Variants in MKI67 observed in about 807,000 individuals in gnomAD.
The protein encoded by MKI67 is proliferation marker protein Ki-67.
In MKI67, 152 loss-of-function variants were observed where a neutral mutation model predicts 233.5. The ratio of observed to expected loss-of-function variants is 0.65; its 90% CI spans 0.57 to 0.74. The LOEUF (loss-of-function observed/expected upper bound fraction) is 0.74. Ranked by LOEUF, MKI67 falls within the 30% of genes least tolerant of loss-of-function variation. The pLI is 0.00. For synonymous variants in MKI67, 1,465 were observed against 1,418.5 expected, an observed-to-expected ratio of 1.03 and a Z score of -0.74; for missense variants, 3,940 against 3,885.2, an observed-to-expected ratio of 1.01 and a Z score of -0.37.
intron 5 of MKI67, among the ~76,000 whole-genome samples, chr10:128,117,501 G>C (rs1313815845): frequency 1.3e-5 from 2 of 152,220 alleles, no homozygotes; most frequent in Non-Finnish European, 2.9e-5. Flanking sequence ...CGGAAGGGTG[G>C]AAGAACTAAA....
chr10:128,118,475 C>T (rs1433581211), intron 5 of MKI67, among the ~76,000 whole-genome samples: 1 of 150,200 alleles, frequency 6.7e-6, no homozygotes, highest in African/African-American at 2.4e-5. Context: ...CCTAAGATAA[C>T]TCTCCTAAGC....
rs550904337 is a variant in MKI67, at chr10:128,097,843, G to A, written c.*1347C>T. On this transcript the variant is annotated 3_prime_UTR_variant, in exon 15 of 15. Coordinates refer to ENST00000368654, the MANE Select transcript of MKI67 (RefSeq NM_002417.5). ...CTCCCTTACGATCATGGATGACGCT[G>A]TGAGAACCCTATCATGGCAGCCAAT... is the stretch of plus-strand genomic sequence containing the variant. 2 of 152,274 alleles carry A rather than the reference G, an allele frequency of 1.3e-5. No homozygotes were observed. The highest frequency in any genetic ancestry group is 4.1e-4 in the South Asian group (2 of 4,830). 9.4% of individuals were successfully genotyped at this position (152,274 alleles called of 1,614,324 possible). A position where few individuals can be genotyped will look rare whatever the true frequency, so the allele number is the denominator to read the frequency against.
In MKI67 at chr10:128,115,613, T is replaced by A. The variant is rs138128732; in HGVS notation, c.795A>T (p.Gly265=). 3.1e-6 allele frequency: 5 copies of A among 1,614,064 alleles called. No homozygotes were observed. The African/African-American group carries it at 6.7e-5, about 22-fold the overall frequency. The change falls in exon 7 of 15, where the codon GGA becomes GGT. Residue 265 remains glycine (G), a synonymous_variant. Transcript: ENST00000368654. ...ENVLQYCRKS[G]LQTDYATEKE... ...TCTCTGTTGCGTAATCAGTTTGTAA[T>A]CCAGATTTTCTACAATACTGTAGGA...
At chr10:128,114,844 C>T (rs1852762722) in intron 7 of MKI67, 84 bp downstream of exon 7, 2 of 1,302,034 alleles carry the variant, frequency 1.5e-6, no homozygotes, top group Non-Finnish European at 2.1e-6. Context: ...CAAAGCTAAT[C>T]ACTACTGAAA....
chr10:128,110,438 T>C lies in MKI67; in HGVS notation c.2356A>G (p.Lys786Glu). 6.3e-7 allele frequency: 1 copy of C among 1,589,854 alleles called. No homozygotes were observed. The highest frequency in any genetic ancestry group is 1.1e-5 in the South Asian group (1 of 89,200). ...CCTGAATCAGTTCCTTGAAACTGTT[T>C]TCCAAGCAAATTCTCTGAATTTGAA... ...AISNSENLLG[K>E]QFQGTDSGEE... The change falls in exon 12 of 15, where the codon AAA (lysine) becomes GAA (glutamate). Residue 786 changes from lysine to glutamate, a missense_variant. Physicochemically the swap from Lys to Glu is moderately conservative, Grantham distance 56. Transcript: ENST00000368654.
chr10:128,124,046 A>T (rs865908245), intron 2 of MKI67, among the ~76,000 whole-genome samples: 3 of 152,366 alleles, frequency 2.0e-5, no homozygotes, highest in Middle Eastern at 3.4e-3. Flanking sequence ...CTTCCTACCC[A>T]GGTCATGTGA....
In MKI67 at chr10:128,107,888, G is replaced by A. The variant is rs1565006103; in HGVS notation, c.3952C>T (p.Gln1318Ter). Residue 1318 changes from glutamine (Q) to a stop codon, truncating the protein, a stop_gained, in exon 13 of 15, where the codon CAG (glutamine) becomes TAG (stop). Transcript: ENST00000368654. LOFTEE classifies it high-confidence loss of function. Reference sequence around the variant, plus strand: ...AAGTTCTCTGTCAGGTCCAGTTTCTGCACTGGAGTTCCCACAAATATGATG... The same window carrying A: ...AAGTTCTCTGTCAGGTCCAGTTTCTACACTGGAGTTCCCACAAATATGATG... Reference protein sequence around the residue: ...DIIIFVGTPVQKLDLTENLTG... With the variant: ...DIIIFVGTPV 1 of 1,613,566 alleles carries A rather than the reference G, an allele frequency of 6.2e-7. No homozygotes were observed.
chr10:128,118,255 G>A (rs1168904761), intron 5 of MKI67, among the ~76,000 whole-genome samples: 1 of 152,092 alleles, frequency 6.6e-6, no homozygotes, highest in Non-Finnish European at 1.5e-5. Flanking sequence ...AATTAGCCAG[G>A]CATGGTGGTG....
intron 12 of MKI67, 38 bp downstream of exon 12, chr10:128,110,340 C>A: frequency 1.3e-6 from 2 of 1,488,392 alleles, no homozygotes; most frequent in Admixed American, 3.8e-5. Context: ...ATGTTCCTAT[C>A]CCAAAACATC....
In MKI67 at chr10:128,105,694, A is replaced by G. The variant is rs1400927551; in HGVS notation, c.6146T>C (p.Met2049Thr). ...IKAFKESAKQMLDPANYGTGM... is the reference protein window; with the variant it reads ...IKAFKESAKQTLDPANYGTGM... Reference sequence around the variant, plus strand: ...AGTTCCATAGTTTGCTGGGTCCAGCATCTGCTTTGCAGATTCCTTAAACGC... The same window carrying G: ...AGTTCCATAGTTTGCTGGGTCCAGCGTCTGCTTTGCAGATTCCTTAAACGC... The change falls in exon 13 of 15, where the codon ATG (methionine) becomes ACG (threonine). Residue 2049 changes from methionine (M) to threonine (T), a missense_variant. Met to Thr is a moderately conservative substitution (Grantham distance 81). Transcript: ENST00000368654. The G allele has an allele frequency of 6.2e-7, 1 of 1,613,882 alleles. No individual in the cohort carries two copies. Among genetic ancestry groups the G allele is most frequent in the Non-Finnish European group, 8.5e-7 (1 of 1,180,000 alleles).
rs1056614937 is a variant in MKI67, at chr10:128,125,005, G to A, written c.92+571C>T. On this transcript the variant is annotated intron_variant, in intron 2 of 14. Transcript: ENST00000368654. This position sits in a 1 kb window ranked among gnomAD's most constrained non-coding sequence, Gnocchi z 5.3. ...ACACGGGAAATGACCCCCCTTCTCA[G>A]GCCTCTAGTGGGACACATGTCAGAG... 4.6e-5 allele frequency among the ~76,000 whole-genome samples: 7 copies of A among 152,158 alleles called. No homozygotes were observed. Among genetic ancestry groups the A allele is most frequent in the African/African-American group, 1.4e-4 (6 of 41,422 alleles).
intron 6 of MKI67, among the ~76,000 whole-genome samples, 189 bp downstream of exon 6, chr10:128,116,302 C>T (rs764128885): frequency 1.3e-5 from 2 of 152,220 alleles, no homozygotes; most frequent in Non-Finnish European, 2.9e-5. Context: ...CTCTCCTAAG[C>T]ATAGCATACC....
rs1275894169 is a variant in MKI67, at chr10:128,102,936, T to C, written c.8904A>G (p.Val2968=). 2 of 1,614,138 alleles carry C rather than the reference T, an allele frequency of 1.2e-6. No individual in the cohort carries two copies. The highest frequency in any genetic ancestry group is 1.7e-5 in the Admixed American group (1 of 60,014). ...ISRRVLRAPK[V]EPVGDVVSTR... Reference sequence around the variant, plus strand: ...TGCTTACCACGTCTCCCACGGGTTCTACTTTAGGGGCCCGAAGAACTCTTC... The same window carrying C: ...TGCTTACCACGTCTCCCACGGGTTCCACTTTAGGGGCCCGAAGAACTCTTC... Residue 2968 remains valine (V), a synonymous_variant, in exon 13 of 15, where the codon GTA becomes GTG. Coordinates refer to ENST00000368654, the MANE Select transcript of MKI67 (RefSeq NM_002417.5).
chr10:128,109,562 A>G, intron 12 of MKI67, 139 bp from the exon 13 acceptor site: 1 of 921,312 alleles, frequency 1.1e-6, no homozygotes, highest in East Asian at 2.6e-5. Context: ...TTATGTGTCT[A>G]TAAATCTGTC....
At chr10:128,124,547 A>G (rs183484765) in intron 2 of MKI67, among the ~76,000 whole-genome samples, 1 of 152,330 alleles carries the variant, frequency 6.6e-6, no homozygotes, top group East Asian at 1.9e-4. Context: ...GCTCCAGCCC[A>G]TGTTTCTACT....
chr10:128,110,040 G>A (rs1485220300), intron 12 of MKI67, among the ~76,000 whole-genome samples: 1 of 152,206 alleles, frequency 6.6e-6, no homozygotes, highest in African/African-American at 2.4e-5. Flanking sequence ...GTAATTGGCA[G>A]TAATTTTGAA....
rs1315033672 is a variant in MKI67, at chr10:128,102,790, G to A, written c.9050C>T (p.Ala3017Val). The change falls in exon 13 of 15, where the codon GCA (alanine) becomes GTA (valine). Residue 3017 changes from alanine (A) to valine (V), a missense_variant. Ala to Val is a moderately conservative substitution (Grantham distance 64). Coordinates refer to ENST00000368654, the MANE Select transcript of MKI67 (RefSeq NM_002417.5). ...CAGCTCCTCCACAATTTCCTCTGGTGCTGGCATGCAGCGCAGCCTCTTGGT... is the reference window on the plus strand; with the variant it reads ...CAGCTCCTCCACAATTTCCTCTGGTACTGGCATGCAGCGCAGCCTCTTGGT... Reference protein sequence around the residue: ...TGTKRLRCMPAPEEIVEELPA... With the variant: ...TGTKRLRCMPVPEEIVEELPA... 7 of 1,614,204 alleles carry A rather than the reference G, an allele frequency of 4.3e-6. No individual in the cohort carries two copies. In the South Asian group the frequency reaches 7.7e-5, roughly 18 times the overall value.
intron 4 of MKI67, among the ~76,000 whole-genome samples, chr10:128,120,814 G>A (rs1278852496): frequency 2.0e-5 from 3 of 152,010 alleles, no homozygotes; most frequent in African/African-American, 7.2e-5. Context: ...AGCAAGCAGA[G>A]GGGAACTGGA....
Position 128,103,729 on chromosome 10 carries a change from A to AT in MKI67, c.8110dup (p.Ile2704AsnfsTer56). On this transcript the variant is annotated frameshift_variant, in exon 13 of 15. Transcript: ENST00000368654. LOFTEE classifies it high-confidence loss of function. ...TTCTAGTGGGGGAGATTCGCAGGGT[A>AT]TTTTAGTGGCTTTGCCAGCAGTCAG... The AT allele has an allele frequency of 4.3e-6, 7 of 1,613,880 alleles. No homozygotes were observed. The highest frequency in any genetic ancestry group is 5.1e-6 in the Non-Finnish European group (6 of 1,179,980).
Sources: gnomAD v4.1 joint callset for allele counts (sites outside exome capture counted in the v4.1 genomes callset) on GRCh38, gnomAD v4.1.1 for gene constraint, Gnocchi (gnomAD v3.1) non-coding constraint, MANE v1.5 for transcripts, NCBI Gene and HGNC (gene_info 2026-07-23, HGNC 2026-07-21) for gene names.